Variants in ERC1 observed in about 807,000 individuals in gnomAD.
ERC1 encodes the protein RAB6 interacting protein 2.
A neutral mutation model predicts 132.0 loss-of-function variants in ERC1; 56 were observed. The ratio of observed to expected loss-of-function variants is 0.42; its 90% CI spans 0.34 to 0.53. ERC1 has a LOEUF of 0.53. ERC1 is among the 20% of genes least tolerant of loss of function. The probability of loss-of-function intolerance (pLI) is 0.03; values close to 1 mark genes in which losing one functional copy is unlikely to be tolerated. For missense variants in ERC1, 1,202 were observed against 1,349.9 expected (o/e 0.89, Z 1.72); for synonymous variants, 478 against 476.1 (o/e 1.00, Z -0.05).
intron 18 of ERC1, among the ~76,000 whole-genome samples, chr12:1,489,451 T>C (rs924180174): frequency 6.6e-6 from 1 of 152,220 alleles, no homozygotes; most frequent in Non-Finnish European, 1.5e-5. Context: ...TAAATGTGTC[T>C]TCAGGACAAG....
chr12:1,461,053 A>G (rs540354987), intron 18 of ERC1, among the ~76,000 whole-genome samples: 42 of 149,298 alleles, frequency 2.8e-4, no homozygotes, highest in South Asian at 4.2e-4. Flanking sequence ...TTAGTTAAAC[A>G]TAGGGAACAG....
Position 1,466,811 on chromosome 12 carries a change from C to T in ERC1, c.3213+22061C>T, listed in dbSNP as rs574644539. On this transcript the variant is annotated intron_variant, in intron 18 of 18. Transcript: ENST00000360905. ...AAAGCCATAAAATATGAAGTAGGTG[C>T]TTGTTTAGCGACTGAATGAAATCAG... Among the ~76,000 whole-genome samples the T allele has an allele frequency of 2.6e-5, 4 of 152,218 alleles. No homozygotes were observed. In the South Asian group the frequency reaches 8.3e-4, roughly 32 times the overall value.
intron 12 of ERC1, among the ~76,000 whole-genome samples, chr12:1,223,499 A>G (rs7315544): frequency 0.43 from 65,235 of 152,116 alleles, 15,742 homozygotes; most frequent in African/African-American, 0.65. Context: ...TTTCTACCAA[A>G]CACTAAGGTG....
intron 7 of ERC1, among the ~76,000 whole-genome samples, chr12:1,119,983 T>A (rs780877840): frequency 2.6e-5 from 4 of 152,170 alleles, no homozygotes; most frequent in Non-Finnish European, 2.9e-5. Context: ...GACATTTTTT[T>A]ATTAATTTAT....
intron 2 of ERC1, among the ~76,000 whole-genome samples, chr12:1,068,321 T>C (rs1417725308): frequency 8.9e-6 from 1 of 112,678 alleles, no homozygotes; most frequent in East Asian, 2.1e-4. Context: ...TGCCAAATAC[T>C]GTAATTGTAC....
At chr12:1,338,292 G>C (rs2083480339) in intron 15 of ERC1, among the ~76,000 whole-genome samples, 1 of 152,048 alleles carries the variant, frequency 6.6e-6, no homozygotes, top group Admixed American at 6.6e-5. Context: ...CAGTCTTCAA[G>C]CTCTGAGACA....
At chr12:1,443,423 C>G (rs1398450591) in intron 17 of ERC1, 1 of 152,110 alleles carries the variant, frequency 6.6e-6, no homozygotes. Flanking sequence ...AAAGTAATAC[C>G]AGGCCTTGCT....
At chr12:1,200,683 T>A (rs532215091) in intron 12 of ERC1, among the ~76,000 whole-genome samples, 9 of 152,174 alleles carry the variant, frequency 5.9e-5, no homozygotes, top group African/African-American at 2.2e-4. Flanking sequence ...CTCACCCTCC[T>A]GAGTAGCTGG....
At chr12:990,885 T>G (rs947591600), upstream of ERC1, among the ~76,000 whole-genome samples, 1 of 151,802 alleles carries the variant, frequency 6.6e-6, no homozygotes, top group Non-Finnish European at 1.5e-5. Context: ...AGCGCCACCC[T>G]GCGCTCGCGG....
At chr12:1,300,677 G>A (rs1045947328) in intron 15 of ERC1, among the ~76,000 whole-genome samples, 2 of 152,074 alleles carry the variant, frequency 1.3e-5, no homozygotes, top group Non-Finnish European at 2.9e-5. Flanking sequence ...AGACATACAT[G>A]TGGCTAATGA....
At chr12:1,138,412 A>T (rs1949565183) in intron 7 of ERC1, among the ~76,000 whole-genome samples, 1 of 146,012 alleles carries the variant, frequency 6.8e-6, no homozygotes, top group Non-Finnish European at 1.5e-5. Flanking sequence ...TATATATAAT[A>T]TATATAGAAA....
intron 13 of ERC1, among the ~76,000 whole-genome samples, chr12:1,252,224 T>C (rs2076514966): frequency 6.6e-6 from 1 of 152,206 alleles, no homozygotes; most frequent in Non-Finnish European, 1.5e-5. Flanking sequence ...CACTGAATGC[T>C]AATCCTGTTA....
chr12:1,015,221 A>C (rs948947272), intron 1 of ERC1, among the ~76,000 whole-genome samples: 1 of 151,476 alleles, frequency 6.6e-6, no homozygotes, highest in Admixed American at 6.6e-5. Flanking sequence ...CACCTTGCCC[A>C]GGTAAGTTTT....
intron 2 of ERC1, among the ~76,000 whole-genome samples, chr12:1,056,193 G>A (rs1190165631): frequency 6.6e-6 from 1 of 150,414 alleles, no homozygotes; most frequent in African/African-American, 2.4e-5. Flanking sequence ...CTTTTTATCT[G>A]TAATTCCTTT....
At chr12:1,078,825 C>T (rs1352723902) in intron 2 of ERC1, among the ~76,000 whole-genome samples, 3 of 149,704 alleles carry the variant, frequency 2.0e-5, no homozygotes, top group South Asian at 2.1e-4. Flanking sequence ...TGACAAAAGT[C>T]GATATACAAA....
intron 3 of ERC1, among the ~76,000 whole-genome samples, chr12:1,093,772 TCTAA>T (rs1943555261): frequency 1.3e-5 from 2 of 151,372 alleles, no homozygotes; most frequent in African/African-American, 4.9e-5. Flanking sequence ...GAATTCTGAA[TCTAA>T]CTAGCATATC....
At chr12:1,006,025 T>A (rs951395355) in intron 1 of ERC1, among the ~76,000 whole-genome samples, 1 of 151,858 alleles carries the variant, frequency 6.6e-6, no homozygotes, top group African/African-American at 2.4e-5. Flanking sequence ...TGGCATGATC[T>A]TGGCTCACTG....
At chr12:1,122,614 T>TTG (rs1447423932) in intron 7 of ERC1, among the ~76,000 whole-genome samples, 14 of 148,506 alleles carry the variant, frequency 9.4e-5, no homozygotes, top group African/African-American at 3.1e-4. Context: ...TCTATCTCTA[T>TTG]CTCTATCTGT....
chr12:1,396,997 ACCTTC>A (rs2154385321), intron 16 of ERC1, among the ~76,000 whole-genome samples: 1 of 152,316 alleles, frequency 6.6e-6, no homozygotes, highest in Admixed American at 6.5e-5. Context: ...TCAAGCCTGT[ACCTTC>A]CCCAGGTTTA....
Sources: allele counts gnomAD v4.1 joint callset (sites outside exome capture counted in the v4.1 genomes callset), GRCh38; gene constraint gnomAD v4.1.1; transcripts MANE v1.5; gene names NCBI Gene and HGNC (gene_info 2026-07-23, HGNC 2026-07-21).